Variants in PATJ observed in about 807,000 individuals in gnomAD.
PATJ encodes PATJ crumbs cell polarity complex component.
PATJ carries 190 observed loss-of-function variants against 224.9 expected under a neutral mutation model. The ratio of observed to expected loss-of-function variants is 0.84; its 90% CI spans 0.75 to 0.95. The LOEUF is 0.95. Among genes scored for constraint, PATJ ranks in the 40% least tolerant of loss-of-function variants. PATJ has a pLI of 0.00. For missense variants in PATJ, 2,121 were observed against 2,270.3 expected (o/e 0.93, Z 1.34); for synonymous variants, 769 against 820.3 (o/e 0.94, Z 1.07).
At chr1:62,046,056 G>A (rs1001155008) in intron 30 of PATJ, among the ~76,000 whole-genome samples, 4 of 152,072 alleles carry the variant, frequency 2.6e-5, no homozygotes, top group African/African-American at 9.7e-5. Flanking sequence ...CAAAAAATTA[G>A]CCAGGCATGG....
rs78106150 is a variant in PATJ, at chr1:62,003,004, G to A, written c.3867+12640G>A. Among the ~76,000 whole-genome samples the A allele has an allele frequency of 3.3e-5, 5 of 152,222 alleles. No homozygotes were observed. The East Asian group carries it at 5.8e-4, about 18-fold the overall frequency. ...AATGTTCTTAGAAGAATAAATTCCC[G>A]GTCATTGGTCACCAGTCCTGTCTGC... is the stretch of plus-strand genomic sequence containing the variant. On this transcript the variant is annotated intron_variant, in intron 28 of 43. Transcript: ENST00000642238.
At chr1:61,974,236 C>G (rs1643989309) in intron 27 of PATJ, among the ~76,000 whole-genome samples, 1 of 151,810 alleles carries the variant, frequency 6.6e-6, no homozygotes, top group African/African-American at 2.4e-5. Flanking sequence ...ATGTGACCAC[C>G]AATTAGGATG....
At chr1:62,053,248 T>C (rs1252567060) in intron 31 of PATJ, among the ~76,000 whole-genome samples, 1 of 152,200 alleles carries the variant, frequency 6.6e-6, no homozygotes, top group Non-Finnish European at 1.5e-5. Flanking sequence ...CATTGACTAG[T>C]GTCTGTCTTT....
intron 8 of PATJ, among the ~76,000 whole-genome samples, chr1:61,788,903 A>G (rs1240258385): frequency 1.3e-5 from 2 of 152,090 alleles, no homozygotes; most frequent in African/African-American, 4.8e-5. Flanking sequence ...CGAACTCCCA[A>G]CCTCAGGTGA....
rs148877699 is a variant in PATJ, at chr1:62,065,153, A to G, written c.4125+14095A>G. Among the ~76,000 whole-genome samples the G allele has an allele frequency of 5.8e-3, 877 of 152,270 alleles. 11 individuals carry two copies. The highest frequency in any genetic ancestry group is 0.02 in the African/African-American group (841 of 41,544). ...GGCTGTAGGTTTTACAGTCAAGTCT[A>G]CTTCCTTCAGGAAAGTCTCTGGAGA... On this transcript the variant is annotated intron_variant, in intron 31 of 43. Coordinates refer to ENST00000642238, the MANE Select transcript of PATJ (RefSeq NM_001350145.3).
intron 7 of PATJ, among the ~76,000 whole-genome samples, chr1:61,786,207 A>C (rs1332695248): frequency 6.6e-6 from 1 of 152,170 alleles, no homozygotes; most frequent in East Asian, 1.9e-4. Context: ...TTTTTAGTAG[A>C]GATGGAGTTT....
chr1:62,125,216 G>A (rs1665542980), intron 39 of PATJ, among the ~76,000 whole-genome samples: 1 of 108,632 alleles, frequency 9.2e-6, no homozygotes, highest in South Asian at 3.4e-4. Context: ...CAGCCTGGGT[G>A]ACAGAGTAAA....
At chr1:62,096,303 C>T (rs1178920931) in intron 33 of PATJ, among the ~76,000 whole-genome samples, 1 of 152,068 alleles carries the variant, frequency 6.6e-6, no homozygotes, top group East Asian at 1.9e-4. Flanking sequence ...GTGCTGAGAG[C>T]ATTGATTTGG....
intron 37 of PATJ, among the ~76,000 whole-genome samples, chr1:62,118,681 G>A (rs556585658): frequency 1.7e-4 from 26 of 152,214 alleles, no homozygotes; most frequent in African/African-American, 5.8e-4. Context: ...CCAGGTTGGA[G>A]TGCAATGGCG....
chr1:61,796,724 T>TTTTC (rs1553163033), intron 10 of PATJ, among the ~76,000 whole-genome samples: 4,065 of 52,546 alleles, frequency 0.077, 174 homozygotes, highest in Admixed American at 0.09. Flanking sequence ...CTTTCTTTCT[T>TTTTC]TTTCTTTCTT....
chr1:61,872,602 C>T (rs59000570), intron 20 of PATJ, among the ~76,000 whole-genome samples: 3 of 152,262 alleles, frequency 2.0e-5, no homozygotes, highest in East Asian at 1.9e-4. Flanking sequence ...GCATGCATAT[C>T]GAAACTCATT....
intron 26 of PATJ, among the ~76,000 whole-genome samples, chr1:61,915,588 G>C (rs1009407294): frequency 6.6e-6 from 1 of 151,854 alleles, no homozygotes; most frequent in African/African-American, 2.4e-5. Flanking sequence ...AACTTAGAAA[G>C]AAGTTATATC....
At chr1:62,141,945 G>A (rs948999890) in intron 41 of PATJ, among the ~76,000 whole-genome samples, 5 of 152,114 alleles carry the variant, frequency 3.3e-5, no homozygotes, top group African/African-American at 1.2e-4. Context: ...ACTGCAGCCT[G>A]GGCAACAGAG....
At chr1:61,847,425 T>TG in intron 17 of PATJ, among the ~76,000 whole-genome samples, 1 of 152,338 alleles carries the variant, frequency 6.6e-6, no homozygotes, top group Non-Finnish European at 1.5e-5. Context: ...GTTCTATGTC[T>TG]GATGTGTGGA....
intron 22 of PATJ, 27 bp downstream of exon 22, chr1:61,884,435 A>C (rs1668523606): frequency 5.3e-6 from 6 of 1,128,690 alleles, no homozygotes; most frequent in Non-Finnish European, 7.1e-6. Context: ...CTTTGTTTTC[A>C]CATTATAAAA....
chr1:61,773,109 C>A (rs1383613131), intron 6 of PATJ, among the ~76,000 whole-genome samples: 2 of 152,058 alleles, frequency 1.3e-5, no homozygotes, highest in Non-Finnish European at 2.9e-5. Context: ...CAACCCCCGC[C>A]TCCTGGGTTC....
chr1:62,137,194 C>T (rs1666997345), intron 41 of PATJ, among the ~76,000 whole-genome samples: 1 of 151,350 alleles, frequency 6.6e-6, no homozygotes, highest in Non-Finnish European at 1.5e-5. Flanking sequence ...TTCCTTTTAC[C>T]CTAAGTTATT....
At chr1:61,920,242 G>A (rs749787583) in intron 26 of PATJ, among the ~76,000 whole-genome samples, 2 of 152,064 alleles carry the variant, frequency 1.3e-5, no homozygotes, top group Admixed American at 6.6e-5. Flanking sequence ...CCACTGATAC[G>A]GTTTGGCAGT....
At chr1:62,084,442 C>A in intron 32 of PATJ, 73 bp from the exon 33 acceptor site, 1 of 1,503,524 alleles carries the variant, frequency 6.7e-7, no homozygotes. Context: ...CCCCACACTC[C>A]CCACGTGATG....
Sources: gnomAD v4.1 joint callset for allele counts (sites outside exome capture counted in the v4.1 genomes callset) on GRCh38, gnomAD v4.1.1 for gene constraint, MANE v1.5 for transcripts, NCBI Gene and HGNC (gene_info 2026-07-23, HGNC 2026-07-21) for gene names.